The following DOCK1 variants were observed in gnomAD, a reference collection of about 807,000 sequenced individuals.
DOCK1 encodes the protein dedicator of cytokinesis 1.
A neutral mutation model predicts 262.7 loss-of-function variants in DOCK1; 138 were observed. The ratio of observed to expected loss-of-function variants is 0.53; its 90% confidence interval spans 0.46 to 0.61. DOCK1 has a LOEUF of 0.61. Ranked by LOEUF, DOCK1 falls within the 20% of genes least tolerant of loss-of-function variation. The pLI is 0.00. For synonymous variants in DOCK1, 866 were observed against 867.4 expected (o/e 1.00, Z 0.03); for missense variants, 1,908 against 2,370.7 (o/e 0.80, Z 4.05).
At chr10:126,996,162 C>T (rs1342922160) in intron 6 of DOCK1, among the ~76,000 whole-genome samples, 1 of 151,970 alleles carries the variant, frequency 6.6e-6, no homozygotes, top group Non-Finnish European at 1.5e-5. Context: ...GGGCAGATCA[C>T]CTGAGGTCAG....
chr10:127,302,261 TG>T (rs1294248181), intron 29 of DOCK1, among the ~76,000 whole-genome samples: 1 of 152,104 alleles, frequency 6.6e-6, no homozygotes, highest in East Asian at 1.9e-4. Context: ...AGCCACCTGT[TG>T]GGGAGGTAGG....
chr10:127,136,614 G>A (rs1436001790), intron 27 of DOCK1: 1 of 152,508 alleles, frequency 6.6e-6, no homozygotes, highest in African/African-American at 2.4e-5. Context: ...AGAAATGAGT[G>A]AAAAAATAAA....
chr10:126,939,430 T>C (rs2134239138), intron 1 of DOCK1, among the ~76,000 whole-genome samples: 1 of 152,380 alleles, frequency 6.6e-6, no homozygotes, highest in African/African-American at 2.4e-5. Context: ...TGAGATTTCA[T>C]CTAAATTCTA....
chr10:127,064,532 C>T (rs35473535), intron 23 of DOCK1, among the ~76,000 whole-genome samples: 2,751 of 152,232 alleles, frequency 0.018, 88 homozygotes, highest in African/African-American at 0.063. Flanking sequence ...ATGGAGGACG[C>T]GTGGGCCAGT....
At chr10:127,429,733 G>T (rs1239076607) in intron 47 of DOCK1, among the ~76,000 whole-genome samples, 2 of 152,018 alleles carry the variant, frequency 1.3e-5, no homozygotes, top group African/African-American at 4.8e-5. Flanking sequence ...CTGACCTTTA[G>T]GGAGCGAGGT....
intron 29 of DOCK1, among the ~76,000 whole-genome samples, chr10:127,311,299 G>A (rs535121598): frequency 6.6e-6 from 1 of 152,196 alleles, no homozygotes; most frequent in East Asian, 1.9e-4. Context: ...GAAGGAACCT[G>A]CAGAAATTCT....
intron 27 of DOCK1, among the ~76,000 whole-genome samples, chr10:127,216,555 CT>C (rs745929248): frequency 1.3e-5 from 2 of 152,150 alleles, no homozygotes; most frequent in Non-Finnish European, 2.9e-5. Context: ...GCAACCTCAC[CT>C]TTCCATTGGC....
chr10:127,214,266 T>G (rs1053790560), intron 27 of DOCK1, among the ~76,000 whole-genome samples: 5 of 152,034 alleles, frequency 3.3e-5, no homozygotes, highest in African/African-American at 1.2e-4. Flanking sequence ...CCTGAGTAGC[T>G]CCCCCCGCCC....
chr10:127,137,692 A>G, intron 27 of DOCK1: 1 of 671,654 alleles, frequency 1.5e-6, no homozygotes, highest in South Asian at 2.2e-5. Flanking sequence ...TATTGGTACA[A>G]AGGCCTTTTT....
intron 1 of DOCK1, among the ~76,000 whole-genome samples, chr10:126,953,074 AGTG>A (rs1371444282): frequency 8.9e-5 from 13 of 145,672 alleles, no homozygotes; most frequent in Non-Finnish European, 1.5e-4. Flanking sequence ...TATTTTTGGT[AGTG>A]GTGGTAGTAT....
intron 38 of DOCK1, among the ~76,000 whole-genome samples, chr10:127,388,063 C>T (rs1376530734): frequency 2.0e-5 from 3 of 152,126 alleles, no homozygotes; most frequent in East Asian, 1.9e-4. Flanking sequence ...ATGGCCCCCA[C>T]ACCACAAAGA....
intron 27 of DOCK1, among the ~76,000 whole-genome samples, chr10:127,219,142 C>T (rs748160745): frequency 2.1e-4 from 32 of 152,152 alleles, no homozygotes; most frequent in Non-Finnish European, 3.7e-4. Context: ...GTGGGGACTG[C>T]AGATTAGTTC....
chr10:126,938,282 A>G (rs1359090029), intron 1 of DOCK1, among the ~76,000 whole-genome samples: 1 of 152,158 alleles, frequency 6.6e-6, no homozygotes, highest in Non-Finnish European at 1.5e-5. Flanking sequence ...TCCCGACCTC[A>G]GGTGATCCGC....
At position 126,950,880 on chromosome 10, in the gene DOCK1, G is replaced by A. The variant is rs1475916877; in HGVS notation, c.47-19822G>A. 2.0e-5 allele frequency among the ~76,000 whole-genome samples: 3 copies of A among 152,218 alleles called. 1 individual carries two copies. Among genetic ancestry groups the A allele is most frequent in the Non-Finnish European group, 2.9e-5 (2 of 68,024 alleles). ...TGATGATGGTGGTACTGGTGATAGC[G>A]GTGGTGCTGGTGATGTTGGTGATGT... On this transcript the variant is annotated intron_variant, in intron 1 of 51. Coordinates refer to ENST00000623213, the MANE Select transcript of DOCK1 (RefSeq NM_001290223.2).
Position 127,215,464 on chromosome 10 carries a change from C to G in DOCK1, c.2848-32544C>G, listed in dbSNP as rs551986701. ...GTCCAGTTCCCACGGATAGCCGGGG[C>G]ATCTAACCAAGATAATTTAGAGCAG... On this transcript the variant is annotated intron_variant, in intron 27 of 51. Transcript: ENST00000623213. Among the ~76,000 whole-genome samples, 3 of 152,280 alleles carry G rather than the reference C, an allele frequency of 2.0e-5. No individual in the cohort carries two copies. In the East Asian group the frequency reaches 5.8e-4, roughly 29 times the overall value.
At chr10:127,324,782 G>C (rs987286036) in intron 29 of DOCK1, among the ~76,000 whole-genome samples, 1 of 152,212 alleles carries the variant, frequency 6.6e-6, no homozygotes, top group African/African-American at 2.4e-5. Context: ...AGTGCATACT[G>C]TCTGTTCTTA....
intron 29 of DOCK1, among the ~76,000 whole-genome samples, chr10:127,303,799 C>T (rs2135449531): frequency 6.6e-6 from 1 of 152,286 alleles, no homozygotes; most frequent in Middle Eastern, 3.4e-3. Context: ...GTTGAGGCTG[C>T]AGTGAGCTGT....
chr10:126,946,113 T>A (rs1381311486), intron 1 of DOCK1, among the ~76,000 whole-genome samples: 1 of 152,252 alleles, frequency 6.6e-6, no homozygotes, highest in Non-Finnish European at 1.5e-5. Context: ...ATGGGAAAAA[T>A]ATATATAACA....
chr10:127,418,597 A>C (rs2068301392), intron 45 of DOCK1, 56 bp downstream of exon 45: 3 of 1,545,308 alleles, frequency 1.9e-6, no homozygotes, highest in Non-Finnish European at 2.6e-6. Context: ...GACAGACTGA[A>C]AATTCCCGAG....
Sources: allele counts gnomAD v4.1 joint callset (sites outside exome capture counted in the v4.1 genomes callset), GRCh38; gene constraint gnomAD v4.1.1; transcripts MANE v1.5; gene names NCBI Gene and HGNC (gene_info 2026-07-23, HGNC 2026-07-21).